PREX1: variants seen among roughly 807,000 people sequenced by gnomAD.
PREX1 encodes the protein phosphatidylinositol-3,4,5-trisphosphate dependent Rac exchange factor 1.
In PREX1, 41 loss-of-function variants were observed where a neutral mutation model predicts 198.3. That is an observed-to-expected ratio of 0.21 (90% CI 0.16 to 0.27). PREX1 has a LOEUF of 0.27. PREX1 is among the 10% of genes least tolerant of loss of function. The pLI is 1.00. For missense variants in PREX1, 1,620 were observed against 2,200.7 expected (o/e 0.74, Z 5.28); for synonymous variants, 843 against 887.2 (o/e 0.95, Z 0.89).
In PREX1 at chr20:48,827,367, G is replaced by A. The variant is rs748065436; in HGVS notation, c.219+275C>T. On this transcript the variant is annotated intron_variant, in intron 1 of 39. Transcript: ENST00000371941. This position sits in a 1 kb window ranked among gnomAD's most constrained non-coding sequence, Gnocchi z 4.1. ...AACTAATTTTAAAACTATTTGAAAG[G>A]CGGGGACGGGGAAGAAAAGACAAAA... 6.6e-6 allele frequency among the ~76,000 whole-genome samples: 1 copy of A among 152,220 alleles called. No homozygotes were observed. Among genetic ancestry groups the A allele is most frequent in the African/African-American group, 2.4e-5 (1 of 41,468 alleles).
rs746973492 is a variant in PREX1 at position 48,636,543 on chromosome 20, C to T, written c.4087G>A (p.Ala1363Thr). ...NGEYEESSRD[A>T]SRKWLEQVAA... is the part of the protein sequence containing the mutation. Reference sequence around the variant, plus strand: ...ACCTGCTCCAGCCACTTGCGGCTGGCGTCGCGGCTGCTCTCCTCGTACTCG... The same window carrying T: ...ACCTGCTCCAGCCACTTGCGGCTGGTGTCGCGGCTGCTCTCCTCGTACTCG... The change falls in exon 32 of 40, where the codon GCC becomes ACC. Residue 1363 changes from alanine to threonine, a missense_variant. By Grantham distance (58) the Ala-to-Thr change is moderately conservative (BLOSUM62 0). Transcript: ENST00000371941. 27 of 1,611,006 alleles carry T rather than the reference C, an allele frequency of 1.7e-5. No homozygotes were observed. Among genetic ancestry groups the T allele is most frequent in the South Asian group, 1.5e-4 (14 of 91,052 alleles).
At chr20:48,797,337 C>T (rs1041875695) in intron 1 of PREX1, among the ~76,000 whole-genome samples, 13 of 148,776 alleles carry the variant, frequency 8.7e-5, no homozygotes, top group Non-Finnish European at 1.8e-4. Flanking sequence ...GCCCCCTGCT[C>T]CCCCCAGACC....
At chr20:48,729,075 G>GC (rs2090022047) in intron 4 of PREX1, among the ~76,000 whole-genome samples, 1 of 149,714 alleles carries the variant, frequency 6.7e-6, no homozygotes, top group Non-Finnish European at 1.5e-5. Context: ...CCCTGACTCG[G>GC]CTTTTTTTTC....
chr20:48,704,914 A>G (rs1193944837), intron 6 of PREX1, among the ~76,000 whole-genome samples: 1 of 152,200 alleles, frequency 6.6e-6, no homozygotes, highest in Non-Finnish European at 1.5e-5. Context: ...CTTCACATGG[A>G]AGTCCATGCG....
chr20:48,816,628 ACACCCCTAAGACTCAAGG>A, intron 1 of PREX1, among the ~76,000 whole-genome samples: 1 of 152,190 alleles, frequency 6.6e-6, no homozygotes, highest in African/African-American at 2.4e-5. Flanking sequence ...TGGCAGGACC[ACACCCCTAAGACTCAAGG>A]CACCTCTAGG....
chr20:48,853,443 C>A, the PREX1 span, among the ~76,000 whole-genome samples: 1 of 152,102 alleles, frequency 6.6e-6, no homozygotes, highest in Admixed American at 6.5e-5. Flanking sequence ...AGGGGAAATG[C>A]CAGAGGCTTA....
chr20:48,658,669 A>G (rs929242854), intron 16 of PREX1, among the ~76,000 whole-genome samples: 3 of 152,206 alleles, frequency 2.0e-5, no homozygotes, highest in Non-Finnish European at 2.9e-5. Context: ...AAGACAAACA[A>G]GCCCAGCCCT....
At chr20:48,638,436 T>A (rs1027267701) in intron 30 of PREX1, among the ~76,000 whole-genome samples, 1 of 152,178 alleles carries the variant, frequency 6.6e-6, no homozygotes, top group African/African-American at 2.4e-5. Context: ...AAAGCTCAAT[T>A]CTTCCAGGCC....
In PREX1 at chr20:48,655,386, T is replaced by C. The variant is rs754993321; in HGVS notation, c.2124-11A>G. The C allele has an allele frequency of 4.6e-6, 7 of 1,528,582 alleles. No individual in the cohort carries two copies. The highest frequency in any genetic ancestry group is 4.2e-5 in the African/African-American group (3 of 71,276). The allele number at this position is 1,528,582 out of a possible 1,614,324, so 94.7% of individuals were successfully genotyped here. On this transcript the variant is annotated splice_polypyrimidine_tract_variant and intron_variant, in intron 18 of 39. Coordinates refer to ENST00000371941, the MANE Select transcript of PREX1 (RefSeq NM_020820.4). ...GGGATTTTGATGATCCTGCACCAGG[T>C]AGAAGAGGCAGGGAAAAAGGCCATG...
intron 25 of PREX1, among the ~76,000 whole-genome samples, chr20:48,646,723 G>C (rs2089454254): frequency 6.6e-6 from 1 of 151,830 alleles, no homozygotes; most frequent in Non-Finnish European, 1.5e-5. Flanking sequence ...ACAATAGGCT[G>C]AAGTCTGGAC....
At chr20:48,818,004 A>G (rs2090466241) in intron 1 of PREX1, among the ~76,000 whole-genome samples, 1 of 152,022 alleles carries the variant, frequency 6.6e-6, no homozygotes, top group Admixed American at 6.6e-5. Context: ...AGAAATGGTG[A>G]GGTGGGGATG....
intron 1 of PREX1, among the ~76,000 whole-genome samples, chr20:48,794,940 A>C (rs1314529935): frequency 6.6e-6 from 1 of 152,008 alleles, no homozygotes; most frequent in Admixed American, 6.5e-5. Context: ...ATTAAGTGAA[A>C]CTCTTTAGTA....
intron 1 of PREX1, among the ~76,000 whole-genome samples, chr20:48,761,822 C>G (rs1044787299): frequency 3.3e-5 from 5 of 152,148 alleles, no homozygotes; most frequent in African/African-American, 1.2e-4. Flanking sequence ...ATTCCTTTGG[C>G]CTGCAGAGGG....
chr20:48,762,302 G>C (rs538828768), intron 1 of PREX1, among the ~76,000 whole-genome samples: 9 of 152,104 alleles, frequency 5.9e-5, no homozygotes, highest in Non-Finnish European at 1.3e-4. Context: ...CATCAGAGTG[G>C]GATTCTAGCA....
At chr20:48,712,224 TC>T (rs2089935063) in intron 5 of PREX1, among the ~76,000 whole-genome samples, 2 of 152,108 alleles carry the variant, frequency 1.3e-5, no homozygotes, top group Non-Finnish European at 2.9e-5. Context: ...GCTTTTACTA[TC>T]CCCACTTGAC....
chr20:48,878,553 T>C, the PREX1 span, among the ~76,000 whole-genome samples: 2 of 152,148 alleles, frequency 1.3e-5, no homozygotes, highest in Non-Finnish European at 2.9e-5. Context: ...TTAGCCAGGA[T>C]GGTCTTGATC....
intron 15 of PREX1, among the ~76,000 whole-genome samples, chr20:48,663,956 C>A (rs570664148): frequency 6.6e-6 from 1 of 152,326 alleles, no homozygotes; most frequent in East Asian, 1.9e-4. Flanking sequence ...CTGGTCATCA[C>A]ACTCTGCTCC....
At chr20:48,785,975 CA>C in intron 1 of PREX1, among the ~76,000 whole-genome samples, 1 of 152,314 alleles carries the variant, frequency 6.6e-6, no homozygotes, top group Admixed American at 6.5e-5. Context: ...CGGTGCCTTC[CA>C]GCAGGGGGTT....
intron 4 of PREX1, among the ~76,000 whole-genome samples, chr20:48,730,896 C>T (rs1258466697): frequency 6.6e-6 from 1 of 152,040 alleles, no homozygotes; most frequent in Non-Finnish European, 1.5e-5. Flanking sequence ...TCTCAGAAGA[C>T]TAAATGGGAG....
Sources: allele counts gnomAD v4.1 joint callset (sites outside exome capture counted in the v4.1 genomes callset), GRCh38; gene constraint gnomAD v4.1.1; non-coding constraint Gnocchi (gnomAD v3.1); transcripts MANE v1.5; gene names NCBI Gene and HGNC (gene_info 2026-07-23, HGNC 2026-07-21).